PDE4D: variants seen among roughly 807,000 people sequenced by gnomAD.
PDE4D encodes the protein phosphodiesterase 4D.
Under a neutral mutation model 87.4 loss-of-function variants are expected in PDE4D, and 24 were observed. The ratio of observed to expected loss-of-function variants is 0.27; its 90% CI spans 0.20 to 0.39. The LOEUF (loss-of-function observed/expected upper bound fraction) is 0.39. Ranked by LOEUF, PDE4D falls within the 10% of genes least tolerant of loss-of-function variation. PDE4D has a pLI of 1.00. For missense variants in PDE4D, 714 were observed against 1,041.0 expected (o/e 0.69, Z 4.32); for synonymous variants, 384 against 383.2 (o/e 1.00, Z -0.02).
intron 2 of PDE4D, among the ~76,000 whole-genome samples, chr5:60,099,575 G>A (rs1318598867): frequency 6.6e-6 from 1 of 151,666 alleles, no homozygotes; most frequent in Non-Finnish European, 1.5e-5. Context: ...AATGCCCAGT[G>A]AAAAATTAGC....
chr5:59,708,078 G>A (rs1029167370), intron 1 of PDE4D, among the ~76,000 whole-genome samples: 3 of 152,146 alleles, frequency 2.0e-5, no homozygotes, highest in African/African-American at 7.2e-5. Context: ...CCCACCAGCA[G>A]TGTAAAAGCG....
intron 2 of PDE4D, among the ~76,000 whole-genome samples, chr5:60,055,036 A>T (rs1007732427): frequency 2.0e-5 from 3 of 152,106 alleles, no homozygotes; most frequent in Non-Finnish European, 2.9e-5. Flanking sequence ...AGGTTCAATC[A>T]TGTAGCCCAT....
intron 1 of PDE4D, among the ~76,000 whole-genome samples, chr5:60,282,502 A>G (rs1049711373): frequency 1.3e-5 from 2 of 152,100 alleles, no homozygotes; most frequent in African/African-American, 2.4e-5. Flanking sequence ...AACCACATGG[A>G]GTCCATCATC....
intron 1 of PDE4D, among the ~76,000 whole-genome samples, chr5:59,294,890 T>C (rs926490723): frequency 1.3e-5 from 2 of 152,136 alleles, no homozygotes; most frequent in African/African-American, 4.8e-5. Flanking sequence ...TTAGAGAAAA[T>C]GAAAAATAGA....
At chr5:59,310,906 T>C (rs980364897) in intron 1 of PDE4D, among the ~76,000 whole-genome samples, 1 of 152,168 alleles carries the variant, frequency 6.6e-6, no homozygotes, top group Admixed American at 6.5e-5. Flanking sequence ...GAAGGCCCAG[T>C]TCCCTTACAG....
At chr5:59,974,979 G>T (rs1024899243) in intron 3 of PDE4D, among the ~76,000 whole-genome samples, 1 of 152,118 alleles carries the variant, frequency 6.6e-6, no homozygotes. Context: ...CCCTGTGGTG[G>T]ATTCAGGGTA....
chr5:59,589,201 G>A (rs1200787449), intron 1 of PDE4D, among the ~76,000 whole-genome samples: 10 of 152,174 alleles, frequency 6.6e-5, no homozygotes, highest in Admixed American at 6.5e-4. Context: ...TCCAGAGCCT[G>A]TACACATTAC....
chr5:60,494,679 G>A (rs1749718225), intron 1 of PDE4D, among the ~76,000 whole-genome samples: 1 of 152,150 alleles, frequency 6.6e-6, no homozygotes. Flanking sequence ...CAGAGTAGCA[G>A]ATTAAAGCAG....
intron 1 of PDE4D, among the ~76,000 whole-genome samples, chr5:60,463,879 G>A (rs1235742467): frequency 6.6e-6 from 1 of 152,106 alleles, no homozygotes; most frequent in East Asian, 1.9e-4. Flanking sequence ...AACTACTTGA[G>A]CTTTATTAAG....
At chr5:60,080,659 T>G (rs1323216419) in intron 2 of PDE4D, among the ~76,000 whole-genome samples, 1 of 152,202 alleles carries the variant, frequency 6.6e-6, no homozygotes, top group Non-Finnish European at 1.5e-5. Context: ...TGTCTTTGGT[T>G]GTGTTTATGT....
chr5:59,314,636 G>A (rs1308359329), intron 1 of PDE4D: 1 of 152,040 alleles, frequency 6.6e-6, no homozygotes, highest in Admixed American at 6.6e-5. Flanking sequence ...AACAATAGTG[G>A]GCAAGTAGAG....
chr5:60,001,883 G>GAAA (rs35443499), intron 2 of PDE4D, among the ~76,000 whole-genome samples: 17 of 134,370 alleles, frequency 1.3e-4, no homozygotes, highest in East Asian at 2.2e-4. Context: ...AATTACAAAG[G>GAAA]AAAAAAAAAA....
chr5:59,034,665 G>C (rs1471925968), intron 6 of PDE4D, among the ~76,000 whole-genome samples: 2 of 152,202 alleles, frequency 1.3e-5, no homozygotes, highest in Non-Finnish European at 2.9e-5. Flanking sequence ...AAACATGCTA[G>C]AGAGGTTTGC....
chr5:60,028,174 T>C (rs1269119171), intron 2 of PDE4D, among the ~76,000 whole-genome samples: 1 of 152,226 alleles, frequency 6.6e-6, no homozygotes, highest in Non-Finnish European at 1.5e-5. Flanking sequence ...TAATCACTTA[T>C]CACTGTCAGG....
chr5:60,175,239 C>T (rs189550769), intron 2 of PDE4D, among the ~76,000 whole-genome samples: 49 of 152,156 alleles, frequency 3.2e-4, no homozygotes, highest in Non-Finnish European at 6.3e-4. Flanking sequence ...TTTTTAATCT[C>T]TTTGACTATG....
rs1427665776 is a variant in PDE4D, at chr5:60,497,983, C to T, written n.70+24068G>A. On this transcript the variant is annotated intron_variant and non_coding_transcript_variant, in intron 1 of 2. Transcript: ENST00000506510. ...AAGAATAGAAATCCATAAATTTCTCCTTGGTCGTCTGCTTCAGAAATAGGT... is the reference window on the plus strand; with the variant it reads ...AAGAATAGAAATCCATAAATTTCTCTTTGGTCGTCTGCTTCAGAAATAGGT... Among the ~76,000 whole-genome samples the T allele has an allele frequency of 4.6e-5, 7 of 152,284 alleles. No individual in the cohort carries two copies. The South Asian group carries it at 1.0e-3, about 23-fold the overall frequency.
intron 1 of PDE4D, among the ~76,000 whole-genome samples, chr5:60,501,132 T>C (rs1226230611): frequency 6.6e-6 from 1 of 152,176 alleles, no homozygotes; most frequent in Non-Finnish European, 1.5e-5. Flanking sequence ...GTATATCTCC[T>C]AATACTATCC....
intron 5 of PDE4D, among the ~76,000 whole-genome samples, chr5:59,059,949 G>T (rs909304881): frequency 6.6e-6 from 1 of 152,090 alleles, no homozygotes; most frequent in Non-Finnish European, 1.5e-5. Context: ...GTAAGCATGT[G>T]ACTGCCCAAA....
intron 1 of PDE4D, among the ~76,000 whole-genome samples, chr5:59,621,362 G>A (rs1435950457): frequency 1.3e-5 from 2 of 152,214 alleles, no homozygotes; most frequent in African/African-American, 4.8e-5. Context: ...CTTCATCTGA[G>A]ATGCATTGAA....
Sources: allele counts gnomAD v4.1 joint callset (sites outside exome capture counted in the v4.1 genomes callset), GRCh38; gene constraint gnomAD v4.1.1; transcripts MANE v1.5; gene names NCBI Gene and HGNC (gene_info 2026-07-23, HGNC 2026-07-21).